ATRN: variants seen among roughly 807,000 people sequenced by gnomAD.
The protein encoded by ATRN is attractin.
A neutral mutation model predicts 178.7 loss-of-function variants in ATRN; 54 were observed. The observed-to-expected ratio is 0.30, with a 90% CI of 0.24 to 0.38. The LOEUF is 0.38. ATRN is among the 10% of genes least tolerant of loss of function. ATRN has a pLI of 1.00. For missense variants in ATRN, 1,443 were observed against 1,815.1 expected, an observed-to-expected ratio of 0.79 and a Z score of 3.73; for synonymous variants, 636 against 663.0, an observed-to-expected ratio of 0.96 and a Z score of 0.63.
intron 6 of ATRN, among the ~76,000 whole-genome samples, chr20:3,550,016 A>G (rs1600098284): frequency 1.3e-5 from 2 of 152,302 alleles, no homozygotes; most frequent in Admixed American, 6.5e-5. Context: ...TCAGAGAAAC[A>G]TGAGCAACAT....
At chr20:3,577,598 G>C (rs1198986251) in intron 14 of ATRN, among the ~76,000 whole-genome samples, 1 of 152,204 alleles carries the variant, frequency 6.6e-6, no homozygotes, top group Non-Finnish European at 1.5e-5. Context: ...CAACATCTGA[G>C]CTTGTTCAGG....
rs1006490670 is a variant in ATRN at position 3,650,330 on chromosome 20, C to T, written c.*3483C>T. ...ATCCATTCAACAAGTATTTGCTAAA[C>T]ACTAACTTAAGCTAATGCTAGGGTA... is the stretch of plus-strand genomic sequence containing the variant. On this transcript the variant is annotated 3_prime_UTR_variant, in exon 29 of 29. Transcript: ENST00000262919. 6.6e-6 allele frequency: 1 copy of T among 152,634 alleles called. No homozygotes were observed. The highest frequency in any genetic ancestry group is 1.9e-4 in the East Asian group (1 of 5,200). The allele number at this position is 152,634 out of a possible 1,614,324, so 9.5% of individuals were successfully genotyped here.
At chr20:3,586,837 G>C (rs2086364201) in intron 18 of ATRN, among the ~76,000 whole-genome samples, 1 of 152,248 alleles carries the variant, frequency 6.6e-6, no homozygotes, top group Non-Finnish European at 1.5e-5. Context: ...TAGAGTAGCT[G>C]CACCATTTTA....
At chr20:3,545,918 AT>A in intron 4 of ATRN, 28 bp downstream of exon 4, 1 of 1,606,758 alleles carries the variant, frequency 6.2e-7, no homozygotes, top group Non-Finnish European at 8.5e-7. Flanking sequence ...AGTATTTGTG[AT>A]TTCATTCAGG....
At chr20:3,474,274 G>A (rs1242659387) in intron 1 of ATRN, among the ~76,000 whole-genome samples, 1 of 152,184 alleles carries the variant, frequency 6.6e-6, no homozygotes, top group Non-Finnish European at 1.5e-5. Flanking sequence ...CCTTTGAGCT[G>A]ATTCTAGGTG....
At chr20:3,630,616 G>T (rs938252547) in intron 25 of ATRN, among the ~76,000 whole-genome samples, 1 of 152,084 alleles carries the variant, frequency 6.6e-6, no homozygotes, top group Non-Finnish European at 1.5e-5. Context: ...GGTGAGGACC[G>T]GCCACTTCTA....
At chr20:3,503,133 TAAAC>T (rs2084986851) in intron 1 of ATRN, among the ~76,000 whole-genome samples, 1 of 151,996 alleles carries the variant, frequency 6.6e-6, no homozygotes, top group Non-Finnish European at 1.5e-5. Flanking sequence ...AGGCACTAGA[TAAAC>T]AAAGCAGGCT....
chr20:3,540,499 C>G (rs555767207), intron 3 of ATRN, among the ~76,000 whole-genome samples, 164 bp downstream of exon 3: 14 of 152,324 alleles, frequency 9.2e-5, no homozygotes, highest in African/African-American at 3.4e-4. Context: ...TTAGTGCTAA[C>G]TTGGTTTCTG....
chr20:3,603,735 G>A (rs1042552133), intron 23 of ATRN, among the ~76,000 whole-genome samples: 2 of 152,036 alleles, frequency 1.3e-5, no homozygotes, highest in South Asian at 4.1e-4. Flanking sequence ...TGATCCACCC[G>A]CCTCGGTCTC....
chr20:3,482,741 T>C (rs534376713), intron 1 of ATRN, among the ~76,000 whole-genome samples: 1 of 152,336 alleles, frequency 6.6e-6, no homozygotes, highest in East Asian at 1.9e-4. Context: ...ATGACATGAC[T>C]GTCTTTTAAT....
intron 24 of ATRN, among the ~76,000 whole-genome samples, chr20:3,611,952 GTTATAC>G (rs1474659118): frequency 5.9e-5 from 9 of 152,102 alleles, no homozygotes; most frequent in East Asian, 5.8e-4. Flanking sequence ...AAAAACTAAT[GTTATAC>G]TTATCATATA....
chr20:3,493,037 AAT>A (rs2084827255), intron 1 of ATRN, among the ~76,000 whole-genome samples: 3 of 146,774 alleles, frequency 2.0e-5, no homozygotes, highest in African/African-American at 4.9e-5. Flanking sequence ...AATTATATAA[AAT>A]ATATAATTAT....
chr20:3,534,649 T>C (rs1472196685), intron 1 of ATRN, among the ~76,000 whole-genome samples: 1 of 152,224 alleles, frequency 6.6e-6, no homozygotes, highest in East Asian at 1.9e-4. Flanking sequence ...AATAGCGTCC[T>C]TCTTAAATAT....
chr20:3,474,708 AAAC>A (rs952914477), intron 1 of ATRN, among the ~76,000 whole-genome samples: 5 of 150,700 alleles, frequency 3.3e-5, no homozygotes, highest in East Asian at 4.0e-4. Context: ...GTCCATCTCA[AAAC>A]AACAACAACA....
chr20:3,507,253 A>G (rs1376612878), intron 1 of ATRN, among the ~76,000 whole-genome samples: 2 of 151,750 alleles, frequency 1.3e-5, no homozygotes, highest in African/African-American at 4.8e-5. Flanking sequence ...AAAAAATACA[A>G]AAAAAATTTA....
At chr20:3,512,107 A>ATATT in intron 1 of ATRN, among the ~76,000 whole-genome samples, 20 of 106,398 alleles carry the variant, frequency 1.9e-4, no homozygotes, top group East Asian at 1.6e-3. Flanking sequence ...ATATATATAT[A>ATATT]TTTTTTTTTT....
chr20:3,535,839 A>G (rs963389536), intron 2 of ATRN, among the ~76,000 whole-genome samples: 2 of 152,136 alleles, frequency 1.3e-5, no homozygotes, highest in African/African-American at 4.8e-5. Flanking sequence ...CATGTTAACC[A>G]GGATGGTCTC....
At chr20:3,493,148 G>A (rs185992499) in intron 1 of ATRN, among the ~76,000 whole-genome samples, 1,515 of 116,714 alleles carry the variant, frequency 0.013, 27 homozygotes, top group African/African-American at 0.044. Context: ...GTGTGTGTGT[G>A]TATAATTAAA....
intron 2 of ATRN, among the ~76,000 whole-genome samples, chr20:3,536,596 A>G (rs182821350): frequency 6.6e-6 from 1 of 152,312 alleles, no homozygotes; most frequent in African/African-American, 2.4e-5. Context: ...AAAAGCAACA[A>G]TTATAAGCCA....
Sources: gnomAD v4.1 joint callset for allele counts (sites outside exome capture counted in the v4.1 genomes callset) on GRCh38, gnomAD v4.1.1 for gene constraint, MANE v1.5 for transcripts, NCBI Gene and HGNC (gene_info 2026-07-23, HGNC 2026-07-21) for gene names.